RORB: variants seen among roughly 807,000 people sequenced by gnomAD.
RORB encodes the protein nuclear receptor ROR-beta.
A neutral mutation model predicts 59.1 loss-of-function variants in RORB; 6 were observed. The observed-to-expected ratio is 0.10, with a 90% CI of 0.06 to 0.20. RORB has a LOEUF of 0.20. Ranked by LOEUF, RORB falls within the 10% of genes least tolerant of loss-of-function variation. RORB has a pLI of 1.00. For missense variants in RORB, 320 were observed against 560.5 expected, an observed-to-expected ratio of 0.57 and a Z score of 4.33; for synonymous variants, 215 against 204.5, an observed-to-expected ratio of 1.05 and a Z score of -0.44.
intron 1 of RORB, among the ~76,000 whole-genome samples, chr9:74,549,130 A>G (rs537842391): frequency 3.7e-4 from 56 of 152,274 alleles, no homozygotes; most frequent in Non-Finnish European, 5.4e-4. Context: ...GTACCTGTTT[A>G]TATTCTCAGC....
rs148272969 is a variant in RORB at position 74,535,228 on chromosome 9, T to C, written c.7+37245T>C. On this transcript the variant is annotated intron_variant, in intron 1 of 9. Transcript: ENST00000376896. ...AAAAGAAACAGATTGTTCTATTCAC[T>C]ATATTAAAATACACAGAAAAAGGAG... Among the ~76,000 whole-genome samples the C allele has an allele frequency of 1.6e-4, 24 of 152,152 alleles. No individual in the cohort carries two copies. The East Asian group carries it at 3.9e-3, about 25-fold the overall frequency.
intron 1 of RORB, among the ~76,000 whole-genome samples, chr9:74,613,219 C>A (rs1823259823): frequency 6.6e-6 from 1 of 152,216 alleles, no homozygotes; most frequent in Non-Finnish European, 1.5e-5. Flanking sequence ...TTCACATTTA[C>A]TCCTTTTATG....
At chr9:74,597,555 G>A (rs1211837025) in intron 1 of RORB, among the ~76,000 whole-genome samples, 1 of 152,182 alleles carries the variant, frequency 6.6e-6, no homozygotes, top group Non-Finnish European at 1.5e-5. Context: ...AAAATTTAAT[G>A]TTAAAAGAAA....
At chr9:74,582,493 A>T (rs1162805050) in intron 1 of RORB, among the ~76,000 whole-genome samples, 1 of 152,206 alleles carries the variant, frequency 6.6e-6, no homozygotes, top group Non-Finnish European at 1.5e-5. Context: ...AACCTTACAG[A>T]GGTTACAAAC....
At chr9:74,549,263 C>T (rs1245681800) in intron 1 of RORB, among the ~76,000 whole-genome samples, 3 of 151,690 alleles carry the variant, frequency 2.0e-5, no homozygotes, top group African/African-American at 7.3e-5. Context: ...CTGGCTAACA[C>T]GGTGAAACCG....
intron 8 of RORB, among the ~76,000 whole-genome samples, chr9:74,670,423 G>A (rs1824328811): frequency 6.6e-6 from 1 of 152,138 alleles, no homozygotes; most frequent in African/African-American, 2.4e-5. Flanking sequence ...AATGATCTAT[G>A]AAAATGATCA....
chr9:74,673,699 C>T (rs1404546373), intron 9 of RORB, among the ~76,000 whole-genome samples: 1 of 152,132 alleles, frequency 6.6e-6, no homozygotes, highest in African/African-American at 2.4e-5. Flanking sequence ...ATTAACTTCC[C>T]TTTCTCCATC....
At chr9:74,611,118 A>G (rs900577992) in intron 1 of RORB, among the ~76,000 whole-genome samples, 3 of 152,152 alleles carry the variant, frequency 2.0e-5, no homozygotes, top group African/African-American at 7.2e-5. Flanking sequence ...TGTAAGCACT[A>G]CGTTAGTGTG....
At chr9:74,588,568 A>G (rs549676728) in intron 1 of RORB, among the ~76,000 whole-genome samples, 2 of 152,332 alleles carry the variant, frequency 1.3e-5, no homozygotes, top group South Asian at 2.1e-4. Flanking sequence ...ATTATTATAG[A>G]TCATCATTCA....
chr9:74,505,253 A>G (rs190568137), intron 1 of RORB, among the ~76,000 whole-genome samples: 2 of 152,230 alleles, frequency 1.3e-5, no homozygotes, highest in African/African-American at 2.4e-5. Flanking sequence ...GAAACCAGCT[A>G]AGCTTGATTC....
intron 1 of RORB, among the ~76,000 whole-genome samples, chr9:74,581,749 G>C (rs1189936080): frequency 6.6e-6 from 1 of 152,138 alleles, no homozygotes; most frequent in African/African-American, 2.4e-5. Context: ...TCCCCCCTGA[G>C]AACCAAGCAT....
chr9:74,579,572 G>C (rs1471454936), intron 1 of RORB, among the ~76,000 whole-genome samples: 1 of 151,990 alleles, frequency 6.6e-6, no homozygotes, highest in East Asian at 1.9e-4. Flanking sequence ...AAATATTGAT[G>C]GTTAACAAAG....
At chr9:74,604,103 G>T (rs1395500455) in intron 1 of RORB, among the ~76,000 whole-genome samples, 3 of 152,136 alleles carry the variant, frequency 2.0e-5, no homozygotes, top group African/African-American at 4.8e-5. Flanking sequence ...TTTTAAAAAT[G>T]TCCTATTATT....
chr9:74,519,397 C>T (rs1374016147), intron 1 of RORB, among the ~76,000 whole-genome samples: 1 of 151,978 alleles, frequency 6.6e-6, no homozygotes, highest in Non-Finnish European at 1.5e-5. Flanking sequence ...CTCCTGAGTA[C>T]ATTTACTTCC....
At chr9:74,622,149 T>C (rs1199713231) in intron 1 of RORB, among the ~76,000 whole-genome samples, 1 of 152,200 alleles carries the variant, frequency 6.6e-6, no homozygotes, top group Non-Finnish European at 1.5e-5. Context: ...GGTTTTGTGG[T>C]GTGCCCCATC....
intron 1 of RORB, among the ~76,000 whole-genome samples, chr9:74,558,546 C>T (rs990082823): frequency 1.3e-5 from 2 of 152,226 alleles, no homozygotes; most frequent in African/African-American, 2.4e-5. Context: ...GTTCATCTAA[C>T]TCATATTTAT....
At chr9:74,639,333 C>T (rs1823755419) in intron 3 of RORB, among the ~76,000 whole-genome samples, 1 of 152,156 alleles carries the variant, frequency 6.6e-6, no homozygotes, top group Non-Finnish European at 1.5e-5. Flanking sequence ...AGTCACATGA[C>T]CCTGGGCAGG....
At chr9:74,590,894 C>T (rs1236612504) in intron 1 of RORB, among the ~76,000 whole-genome samples, 1 of 152,160 alleles carries the variant, frequency 6.6e-6, no homozygotes, top group Non-Finnish European at 1.5e-5. Flanking sequence ...CCTCCGGATT[C>T]AAGCAATTCC....
At chr9:74,553,838 GT>G (rs1179088019) in intron 1 of RORB, among the ~76,000 whole-genome samples, 1 of 152,132 alleles carries the variant, frequency 6.6e-6, no homozygotes, top group African/African-American at 2.4e-5. Context: ...GCCAGTTTTA[GT>G]TTTCTTGACC....
Sources: allele counts gnomAD v4.1 joint callset (sites outside exome capture counted in the v4.1 genomes callset), GRCh38; gene constraint gnomAD v4.1.1; transcripts MANE v1.5; gene names NCBI Gene and HGNC (gene_info 2026-07-23, HGNC 2026-07-21).